Variants in PTPRM observed in about 807,000 individuals in gnomAD.
The protein encoded by PTPRM is protein tyrosine phosphatase receptor type M.
A neutral mutation model predicts 186.7 loss-of-function variants in PTPRM; 47 were observed. The observed-to-expected ratio is 0.25, with a 90% CI of 0.20 to 0.32. PTPRM has a LOEUF of 0.32. PTPRM is among the 10% of genes least tolerant of loss of function. The pLI, the probability that PTPRM is intolerant of heterozygous loss-of-function variation, is 1.00. For missense variants in PTPRM, 1,494 were observed against 1,865.0 expected, an observed-to-expected ratio of 0.80 and a Z score of 3.66; for synonymous variants, 668 against 674.9, an observed-to-expected ratio of 0.99 and a Z score of 0.16.
At chr18:8,002,059 C>T (rs1433256824) in intron 7 of PTPRM, among the ~76,000 whole-genome samples, 1 of 152,072 alleles carries the variant, frequency 6.6e-6, no homozygotes, top group Admixed American at 6.6e-5. Flanking sequence ...ATTAGAGGAC[C>T]ACGTGAGATG....
At chr18:8,016,837 A>G (rs1221838412) in intron 7 of PTPRM, among the ~76,000 whole-genome samples, 1 of 152,216 alleles carries the variant, frequency 6.6e-6, no homozygotes, top group African/African-American at 2.4e-5. Context: ...AGATGATCAC[A>G]CTTTCCAAGC....
rs142285034 is a variant in PTPRM, at chr18:8,155,264, A to G, written c.2300+11485A>G. Among the ~76,000 whole-genome samples, 833 of 152,314 alleles carry G rather than the reference A, an allele frequency of 5.5e-3. 7 individuals are homozygous for G. The highest frequency in any genetic ancestry group is 7.5e-3 in the East Asian group (39 of 5,190). ...GTATGTAAGCACTATCAATTTTACC[A>G]TGATTAATTATATTTACGATTGTTT... On this transcript the variant is annotated intron_variant, in intron 14 of 32. Transcript: ENST00000580170.
At chr18:8,099,661 C>T (rs1244053047) in intron 11 of PTPRM, among the ~76,000 whole-genome samples, 1 of 152,166 alleles carries the variant, frequency 6.6e-6, no homozygotes, top group Non-Finnish European at 1.5e-5. Context: ...GCAGGCTGTG[C>T]TCAGGGGTTC....
chr18:7,766,505 C>T (rs1433222897), intron 1 of PTPRM, among the ~76,000 whole-genome samples: 1 of 152,216 alleles, frequency 6.6e-6, no homozygotes, highest in African/African-American at 2.4e-5. Flanking sequence ...TACTATGGGG[C>T]TGCACCTGCA....
At chr18:8,225,391 A>AT (rs143087294) in intron 14 of PTPRM, among the ~76,000 whole-genome samples, 56 of 39,134 alleles carry the variant, frequency 1.4e-3, no homozygotes, top group East Asian at 0.011. Flanking sequence ...TGTCTCTTGT[A>AT]TTTTTTTTTT....
At chr18:7,810,621 G>A (rs1261197508) in intron 2 of PTPRM, among the ~76,000 whole-genome samples, 1 of 152,014 alleles carries the variant, frequency 6.6e-6, no homozygotes, top group Non-Finnish European at 1.5e-5. Flanking sequence ...GAGAGACTGG[G>A]GTGGGGGGAG....
chr18:7,704,055 T>C (rs946183019), intron 1 of PTPRM, among the ~76,000 whole-genome samples: 1 of 152,198 alleles, frequency 6.6e-6, no homozygotes, highest in African/African-American at 2.4e-5. Flanking sequence ...GTTTTTGATA[T>C]GCTGCTGGAT....
At chr18:7,756,625 T>G (rs562915711) in intron 1 of PTPRM, among the ~76,000 whole-genome samples, 1 of 152,314 alleles carries the variant, frequency 6.6e-6, no homozygotes, top group South Asian at 2.1e-4. Context: ...GTAGTAGATT[T>G]GTGAGGAGCA....
chr18:8,358,033 A>G (rs889868566), intron 23 of PTPRM, among the ~76,000 whole-genome samples: 1 of 152,180 alleles, frequency 6.6e-6, no homozygotes. Context: ...ATCATATGCC[A>G]ACCCCAACCT....
chr18:7,700,127 A>T (rs1400569039), intron 1 of PTPRM, among the ~76,000 whole-genome samples: 2 of 152,112 alleles, frequency 1.3e-5, no homozygotes, highest in Non-Finnish European at 2.9e-5. Context: ...TTAATGTGGA[A>T]CTCCCTGTCT....
chr18:7,772,412 T>TC (rs1555673499), intron 1 of PTPRM, among the ~76,000 whole-genome samples: 1 of 115,652 alleles, frequency 8.6e-6, no homozygotes, highest in African/African-American at 3.7e-5. Context: ...TCTTTCTTTC[T>TC]TTTCTTTCTT....
chr18:8,238,366 T>C (rs2094371054), intron 14 of PTPRM, among the ~76,000 whole-genome samples: 1 of 152,200 alleles, frequency 6.6e-6, no homozygotes, highest in Non-Finnish European at 1.5e-5. Context: ...TCAGAGATTC[T>C]TTTCTCAACC....
chr18:8,394,452 G>T (rs2095835686), intron 31 of PTPRM, 24 bp from the exon 32 acceptor site: 2 of 1,598,830 alleles, frequency 1.3e-6, no homozygotes, highest in East Asian at 4.5e-5. Flanking sequence ...ACCGAGTGCA[G>T]TCATCTGATC....
At chr18:7,775,333 C>T (rs903364252) in intron 2 of PTPRM, among the ~76,000 whole-genome samples, 1 of 152,180 alleles carries the variant, frequency 6.6e-6, no homozygotes, top group African/African-American at 2.4e-5. Flanking sequence ...CAGCTCACAC[C>T]CTCCTTTTCT....
chr18:8,263,805 G>T (rs1235032714), intron 19 of PTPRM, among the ~76,000 whole-genome samples: 1 of 152,152 alleles, frequency 6.6e-6, no homozygotes, highest in Non-Finnish European at 1.5e-5. Flanking sequence ...ATCCACAGAG[G>T]GCATGGAAGC....
intron 7 of PTPRM, among the ~76,000 whole-genome samples, chr18:8,023,145 CA>C (rs2085335348): frequency 6.6e-6 from 1 of 151,856 alleles, no homozygotes; most frequent in Non-Finnish European, 1.5e-5. Context: ...TTGTAAGTGA[CA>C]GGGAGGATCG....
chr18:7,870,649 AT>A (rs1210123989), intron 2 of PTPRM, among the ~76,000 whole-genome samples: 1 of 152,224 alleles, frequency 6.6e-6, no homozygotes, highest in East Asian at 1.9e-4. Context: ...CTACCAATCA[AT>A]AAAAAATCTG....
chr18:7,656,452 A>C (rs2038850615), intron 1 of PTPRM, among the ~76,000 whole-genome samples: 1 of 152,138 alleles, frequency 6.6e-6, no homozygotes, highest in Non-Finnish European at 1.5e-5. Context: ...GTGGGGAGTT[A>C]TGTAATGGGG....
At chr18:7,919,102 C>G (rs1332955521) in intron 4 of PTPRM, among the ~76,000 whole-genome samples, 1 of 152,078 alleles carries the variant, frequency 6.6e-6, no homozygotes, top group East Asian at 1.9e-4. Context: ...AAGTTGGCTA[C>G]AAATGCGTAG....
Sources: allele counts gnomAD v4.1 joint callset (sites outside exome capture counted in the v4.1 genomes callset), GRCh38; gene constraint gnomAD v4.1.1; transcripts MANE v1.5; gene names NCBI Gene and HGNC (gene_info 2026-07-23, HGNC 2026-07-21).